Variants in ZC3H12D observed in about 807,000 individuals in gnomAD.
ZC3H12D encodes the protein zinc finger CCCH-type containing 12D.
ZC3H12D carries 11 observed loss-of-function variants against 24.2 expected under a neutral mutation model. That is an observed-to-expected ratio of 0.46 (90% confidence interval 0.29 to 0.75). The LOEUF (loss-of-function observed/expected upper bound fraction) is 0.75. ZC3H12D is among the 30% of genes least tolerant of loss of function. ZC3H12D has a pLI of 0.11. For missense variants in ZC3H12D, 740 were observed against 767.7 expected (o/e 0.96, Z 0.43); for synonymous variants, 333 against 341.8 (o/e 0.97, Z 0.28).
In ZC3H12D at chr6:149,446,971, C is replaced by T. The variant is rs1775785213; in HGVS notation, c.*3712G>A. The T allele has an allele frequency of 6.6e-6, 1 of 152,240 alleles. No homozygotes were observed. The highest frequency in any genetic ancestry group is 6.5e-5 in the Admixed American group (1 of 15,282). The allele number at this position is 152,240 out of a possible 1,614,324, so 9.4% of individuals were successfully genotyped here. A position where few individuals can be genotyped will look rare whatever the true frequency, so the allele number is the denominator to read the frequency against. ...GGCAACAGCCTCTGGTTTGATCAGT[C>T]GAGGAGAGCTCTGCTGCATGTTTGA... On this transcript the variant is annotated 3_prime_UTR_variant, in exon 6 of 6. Transcript: ENST00000409806.
intron 4 of ZC3H12D, among the ~76,000 whole-genome samples, chr6:149,453,399 C>A (rs1338177847): frequency 1.3e-5 from 2 of 151,352 alleles, no homozygotes; most frequent in African/African-American, 4.9e-5. Context: ...TTGAGGTGGG[C>A]AGATTGCCTG....
At chr6:149,483,660 A>C (rs929150725) in intron 1 of ZC3H12D, among the ~76,000 whole-genome samples, 1 of 151,940 alleles carries the variant, frequency 6.6e-6, no homozygotes, top group Non-Finnish European at 1.5e-5. Flanking sequence ...CAATCCTCCT[A>C]CCTCAGCCTC....
intron 2 of ZC3H12D, among the ~76,000 whole-genome samples, chr6:149,469,299 T>C (rs1776208007): frequency 6.6e-6 from 1 of 151,928 alleles, no homozygotes; most frequent in Admixed American, 6.6e-5. Flanking sequence ...GTATTAAAAG[T>C]ACAAAAAAAT....
At position 149,452,813 on chromosome 6, in the gene ZC3H12D, C is replaced by T; in HGVS notation, c.681-91G>A. The T allele has an allele frequency of 2.6e-6, 3 of 1,166,518 alleles. No homozygotes were observed. Among genetic ancestry groups the T allele is most frequent in the Non-Finnish European group, 3.7e-6 (3 of 816,144 alleles). The allele number at this position is 1,166,518 out of a possible 1,614,324, so 72.3% of individuals were successfully genotyped here. On this transcript the variant is annotated intron_variant, in intron 4 of 5. Transcript: ENST00000409806. This position sits in a 1 kb window ranked among gnomAD's most constrained non-coding sequence, Gnocchi z 4.0. ...GGAGCAGGCCCAAGTTCCCCAAGAA[C>T]ACCAGGAAGCATTCGGCCCCGGGCC...
At chr6:149,453,144 A>G (rs957514910) in intron 4 of ZC3H12D, among the ~76,000 whole-genome samples, 41 of 151,672 alleles carry the variant, frequency 2.7e-4, no homozygotes, top group African/African-American at 8.5e-4. Flanking sequence ...AAAAAAAAAA[A>G]AAGAAAATTA....
At chr6:149,453,727 A>G (rs1435665562) in intron 4 of ZC3H12D, among the ~76,000 whole-genome samples, 2 of 152,236 alleles carry the variant, frequency 1.3e-5, no homozygotes, top group Non-Finnish European at 2.9e-5. Context: ...ACAAAAGGTT[A>G]GAAACCTCTA....
chr6:149,474,535 G>T lies in ZC3H12D; in HGVS notation c.9C>A (p.His3Gln). 6.6e-7 allele frequency: 1 copy of T among 1,525,940 alleles called. No homozygotes were observed. Among genetic ancestry groups the T allele is most frequent in the Non-Finnish European group, 8.9e-7 (1 of 1,128,656 alleles). 94.5% of individuals were successfully genotyped at this position (1,525,940 alleles called of 1,614,324 possible). A position where few individuals can be genotyped will look rare whatever the true frequency, so the allele number is the denominator to read the frequency against. Residue 3 changes from histidine to glutamine, a missense_variant, in exon 2 of 6, where the codon CAC becomes CAA. By Grantham distance (24) the His-to-Gln change is conservative. Coordinates refer to ENST00000409806, the MANE Select transcript of ZC3H12D (RefSeq NM_207360.3). ME[H>Q]PSKMEFFQKL... Reference sequence around the variant, plus strand: ...TCTGGAAGAATTCCATCTTGCTGGGGTGCTCCATGCTGTGCCCAGCGGCCA... The same window carrying T: ...TCTGGAAGAATTCCATCTTGCTGGGTTGCTCCATGCTGTGCCCAGCGGCCA...
chr6:149,480,188 A>G (rs143829496), intron 1 of ZC3H12D, among the ~76,000 whole-genome samples: 2 of 152,356 alleles, frequency 1.3e-5, no homozygotes, highest in Non-Finnish European at 2.9e-5. Flanking sequence ...CTCATTCACA[A>G]TCAATTAAAG....
At chr6:149,476,900 G>T in intron 1 of ZC3H12D, among the ~76,000 whole-genome samples, 1 of 152,222 alleles carries the variant, frequency 6.6e-6, no homozygotes, top group East Asian at 1.9e-4. Flanking sequence ...CCAGCACTTA[G>T]GACAGTGACT....
rs186532683 is a variant in ZC3H12D at position 149,477,294 on chromosome 6, G to A, written c.-70-2681C>T. Among the ~76,000 whole-genome samples the A allele has an allele frequency of 2.5e-3, 380 of 152,380 alleles. 1 individual carries two copies. The highest frequency in any genetic ancestry group is 8.6e-3 in the African/African-American group (358 of 41,596). ...CATTTCACAGCCAGCCCCCTGGACAGAGAGGCCTCTGCCACGGCGTCCACC... is the reference window on the plus strand; with the variant it reads ...CATTTCACAGCCAGCCCCCTGGACAAAGAGGCCTCTGCCACGGCGTCCACC... On this transcript the variant is annotated intron_variant, in intron 1 of 5. Transcript: ENST00000409806.
In ZC3H12D at chr6:149,472,292, C is replaced by A. The variant is rs1776258520; in HGVS notation, c.305+1947G>T. Among the ~76,000 whole-genome samples, 6 of 152,134 alleles carry A rather than the reference C, an allele frequency of 3.9e-5. No individual in the cohort carries two copies. In the South Asian group the frequency reaches 1.2e-3, roughly 31 times the overall value. On this transcript the variant is annotated intron_variant, in intron 2 of 5. Transcript: ENST00000409806. ...GGCGGTTGTGCTATTTGTCTCTTTT[C>A]CCTAACTACTGGGATCCAGGGAAGA...
chr6:149,473,520 C>G (rs1229043872), intron 2 of ZC3H12D, among the ~76,000 whole-genome samples: 1 of 152,186 alleles, frequency 6.6e-6, no homozygotes, highest in Non-Finnish European at 1.5e-5. Context: ...GATTCCGTCA[C>G]AGGGGAGCTT....
At chr6:149,473,441 C>T (rs546280856) in intron 2 of ZC3H12D, among the ~76,000 whole-genome samples, 2 of 152,308 alleles carry the variant, frequency 1.3e-5, no homozygotes, top group African/African-American at 4.8e-5. Flanking sequence ...CAAAGCCAAG[C>T]GGTAGAATAA....
chr6:149,453,583 A>G (rs1490966358), intron 4 of ZC3H12D, among the ~76,000 whole-genome samples: 1 of 147,938 alleles, frequency 6.8e-6, no homozygotes, highest in South Asian at 2.2e-4. Flanking sequence ...AGCCGAGATC[A>G]TGCTACTGCA....
At chr6:149,457,928 C>T (rs385303) in intron 3 of ZC3H12D, among the ~76,000 whole-genome samples, 55,261 of 151,794 alleles carry the variant, frequency 0.36, 10,581 homozygotes, top group African/African-American at 0.46. Flanking sequence ...ATATCTAGCA[C>T]CTCCTTTGAG....
chr6:149,450,461 G>A lies in ZC3H12D; in HGVS notation c.*222C>T, dbSNP rs1333695600. On this transcript the variant is annotated 3_prime_UTR_variant, in exon 6 of 6. Coordinates refer to ENST00000409806, the MANE Select transcript of ZC3H12D (RefSeq NM_207360.3). ...GAAAATCATTCCCTCCACGGAAGTG[G>A]GTGGACCTCCCCGCAGCAGGCCCCG... The A allele has an allele frequency of 7.6e-6, 4 of 529,746 alleles. 1 individual carries two copies. The highest frequency in any genetic ancestry group is 2.0e-5 in the African/African-American group (1 of 51,126). The allele number at this position is 529,746 out of a possible 1,614,324, so 32.8% of individuals were successfully genotyped here. A position where few individuals can be genotyped will look rare whatever the true frequency, so the allele number is the denominator to read the frequency against.
intron 3 of ZC3H12D, among the ~76,000 whole-genome samples, chr6:149,461,091 C>T (rs1225014934): frequency 1.3e-5 from 2 of 151,958 alleles, no homozygotes; most frequent in Non-Finnish European, 2.9e-5. Context: ...GCCTCTAATC[C>T]CAGCACTTTG....
intron 5 of ZC3H12D, among the ~76,000 whole-genome samples, 181 bp from the exon 6 acceptor site, chr6:149,451,660 G>A (rs1342135388): frequency 6.6e-6 from 1 of 152,200 alleles, no homozygotes; most frequent in African/African-American, 2.4e-5. Flanking sequence ...CAAGATCTGG[G>A]CGCGGGGCCG....
intron 2 of ZC3H12D, among the ~76,000 whole-genome samples, chr6:149,470,461 G>A (rs182321824): frequency 1.2e-4 from 19 of 152,156 alleles, no homozygotes; most frequent in Admixed American, 5.2e-4. Flanking sequence ...ACTGAACCCG[G>A]GAAGTGGAGG....
Sources: gnomAD v4.1 joint callset for allele counts (sites outside exome capture counted in the v4.1 genomes callset) on GRCh38, gnomAD v4.1.1 for gene constraint, Gnocchi (gnomAD v3.1) non-coding constraint, MANE v1.5 for transcripts, NCBI Gene and HGNC (gene_info 2026-07-23, HGNC 2026-07-21) for gene names.